Variants in AFAP1L1 observed in about 807,000 individuals in gnomAD.
The protein encoded by AFAP1L1 is actin filament-associated protein 1-like 1.
Under a neutral mutation model 99.8 loss-of-function variants are expected in AFAP1L1, and 77 were observed. The ratio of observed to expected loss-of-function variants is 0.77; its 90% CI spans 0.64 to 0.93. The LOEUF (loss-of-function observed/expected upper bound fraction) is 0.93, where lower values mean the gene tolerates loss of function less well. AFAP1L1 is among the 40% of genes least tolerant of loss of function. The pLI is 0.00. For synonymous variants in AFAP1L1, 373 were observed against 395.3 expected (o/e 0.94, Z 0.67); for missense variants, 893 against 996.8 (o/e 0.90, Z 1.40).
In AFAP1L1 at chr5:149,320,805, GTC is replaced by G. The variant is rs1487755321; in HGVS notation, c.1698+344_1698+345del. ...GAACTTATCCTGCTGATTCCGTGGTGTCTGGGGCAGGTCCTGACTCTGGGACC... is the reference window on the plus strand; with the variant it reads ...GAACTTATCCTGCTGATTCCGTGGTGTGGGGCAGGTCCTGACTCTGGGACC... On this transcript the variant is annotated intron_variant, in intron 14 of 18. Coordinates refer to ENST00000296721, the MANE Select transcript of AFAP1L1 (RefSeq NM_152406.4). This position sits in a 1 kb window ranked among gnomAD's most constrained non-coding sequence, Gnocchi z 4.0. Among the ~76,000 whole-genome samples the G allele has an allele frequency of 6.6e-6, 1 of 152,214 alleles. No individual in the cohort carries two copies. Among genetic ancestry groups the G allele is most frequent in the Non-Finnish European group, 1.5e-5 (1 of 68,042 alleles).
At chr5:149,300,871 C>G (rs979838087) in intron 3 of AFAP1L1, among the ~76,000 whole-genome samples, 1 of 152,190 alleles carries the variant, frequency 6.6e-6, no homozygotes, top group East Asian at 1.9e-4. Context: ...ATAGCATAAC[C>G]CTCAAAGATT....
At position 149,319,562 on chromosome 5, in the gene AFAP1L1, C is replaced by T; in HGVS notation, c.1480-20C>T. 1.9e-6 allele frequency: 3 copies of T among 1,579,820 alleles called. No homozygotes were observed. Among genetic ancestry groups the T allele is most frequent in the Non-Finnish European group, 2.6e-6 (3 of 1,159,944 alleles). On this transcript the variant is annotated intron_variant, in intron 12 of 18. Transcript: ENST00000296721. Reference sequence around the variant, plus strand: ...CTGACAGTAGGAAAATGAACTCCATCTTTGCCTCCTGTCCTTCAGGCAAGC... The same window carrying T: ...CTGACAGTAGGAAAATGAACTCCATTTTTGCCTCCTGTCCTTCAGGCAAGC...
intron 15 of AFAP1L1, among the ~76,000 whole-genome samples, chr5:149,323,521 T>A (rs1404290554): frequency 6.6e-6 from 1 of 152,236 alleles, no homozygotes; most frequent in Non-Finnish European, 1.5e-5. Context: ...TTACATTTCT[T>A]CCCCCTGCAT....
At chr5:149,292,750 G>A (rs1755897862) in intron 1 of AFAP1L1, among the ~76,000 whole-genome samples, 1 of 152,104 alleles carries the variant, frequency 6.6e-6, no homozygotes, top group Non-Finnish European at 1.5e-5. Flanking sequence ...GAATTTATTC[G>A]TGGTTCTAAA....
Position 149,299,610 on chromosome 5 carries a change from A to G in AFAP1L1, c.118A>G (p.Ile40Val), listed in dbSNP as rs755532054. 7 of 1,614,148 alleles carry G rather than the reference A, an allele frequency of 4.3e-6. No homozygotes were observed. The highest frequency in any genetic ancestry group is 5.9e-6 in the Non-Finnish European group (7 of 1,180,014). Residue 40 changes from isoleucine (I) to valine (V), a missense_variant, in exon 2 of 19, where the codon ATC (isoleucine) becomes GTC (valine). Coordinates refer to ENST00000296721, the MANE Select transcript of AFAP1L1 (RefSeq NM_152406.4). ...TLEKKMAVAS[I>V]LQSLQPLPAK... ...GGAAAAGAAGATGGCCGTGGCCTCCATCCTGCAGAGCCTGCAGCCCCTTCC... is the reference window on the plus strand; with the variant it reads ...GGAAAAGAAGATGGCCGTGGCCTCCGTCCTGCAGAGCCTGCAGCCCCTTCC...
intron 4 of AFAP1L1, among the ~76,000 whole-genome samples, 198 bp downstream of exon 4, chr5:149,301,428 T>G (rs1395804065): frequency 6.6e-6 from 1 of 152,138 alleles, no homozygotes; most frequent in East Asian, 1.9e-4. Flanking sequence ...GTTTTTTTTC[T>G]TATTTATTTT....
At chr5:149,312,929 C>A (rs1221796151) in intron 9 of AFAP1L1, among the ~76,000 whole-genome samples, 1 of 151,950 alleles carries the variant, frequency 6.6e-6, no homozygotes, top group Non-Finnish European at 1.5e-5. Context: ...GAGTTCGAGA[C>A]CAGCCTGACC....
chr5:149,329,717 G>T lies in AFAP1L1; in HGVS notation c.1862G>T (p.Arg621Met), dbSNP rs1258569403. The change falls in exon 16 of 19, where the codon AGG becomes ATG. Residue 621 changes from arginine (R) to methionine (M), a missense_variant. By Grantham distance (91) the Arg-to-Met change is moderately conservative (BLOSUM62 -1). Transcript: ENST00000296721. ...AACCGAGCCGAGGAGGATGCCCGGA[G>T]GTACTTGGTAGAAAAAGAGAAGCTG... ...GKNRAEEDARRYLVEKEKLEK... is the reference protein window; with the variant it reads ...GKNRAEEDARMYLVEKEKLEK... 3.7e-6 allele frequency: 6 copies of T among 1,613,988 alleles called. No homozygotes were observed. The highest frequency in any genetic ancestry group is 5.1e-6 in the Non-Finnish European group (6 of 1,180,032).
At chr5:149,280,927 A>G (rs1333689460) in intron 1 of AFAP1L1, among the ~76,000 whole-genome samples, 1 of 152,240 alleles carries the variant, frequency 6.6e-6, no homozygotes, top group Non-Finnish European at 1.5e-5. Context: ...ACATGGAAGC[A>G]GAACACCCAC....
intron 18 of AFAP1L1, among the ~76,000 whole-genome samples, chr5:149,336,868 A>G (rs1757421564): frequency 6.6e-6 from 1 of 152,162 alleles, no homozygotes; most frequent in South Asian, 2.1e-4. Context: ...AGACATTCCA[A>G]TCATAGCAGG....
chr5:149,332,731 C>T lies in AFAP1L1; in HGVS notation c.2012C>T (p.Thr671Ile). 6.2e-7 allele frequency: 1 copy of T among 1,613,900 alleles called. No individual in the cohort carries two copies. Among genetic ancestry groups the T allele is most frequent in the Non-Finnish European group, 8.5e-7 (1 of 1,179,990 alleles). The change falls in exon 17 of 19, where the codon ACC becomes ATC. Residue 671 changes from threonine to isoleucine, a missense_variant. Physicochemically the swap from Thr to Ile is moderately conservative, Grantham distance 89. Coordinates refer to ENST00000296721, the MANE Select transcript of AFAP1L1 (RefSeq NM_152406.4). ...AAGGCTCTGGAAGAAGCCGTGGCCACCCTGGAAGCTCAGTGTCGGGCAAAG... is the reference window on the plus strand; with the variant it reads ...AAGGCTCTGGAAGAAGCCGTGGCCATCCTGGAAGCTCAGTGTCGGGCAAAG... The part of the protein sequence containing the change: ...KLKALEEAVA[T>I]LEAQCRAKEE...
intron 1 of AFAP1L1, among the ~76,000 whole-genome samples, chr5:149,292,437 G>A (rs1372704636): frequency 6.6e-6 from 1 of 152,140 alleles, no homozygotes; most frequent in African/African-American, 2.4e-5. Flanking sequence ...CAGTCATGTG[G>A]GGAGGAGTGA....
chr5:149,333,868 C>G (rs1757328782), intron 17 of AFAP1L1, among the ~76,000 whole-genome samples: 1 of 152,148 alleles, frequency 6.6e-6, no homozygotes, highest in Non-Finnish European at 1.5e-5. Context: ...ACAGCTGCCT[C>G]TATTATTCTT....
intron 15 of AFAP1L1, among the ~76,000 whole-genome samples, chr5:149,325,775 C>A (rs1227386289): frequency 2.0e-5 from 3 of 152,182 alleles, no homozygotes; most frequent in Admixed American, 2.0e-4. Context: ...GTGTTGACAT[C>A]TAGCAAGGGC....
At chr5:149,291,298 G>C (rs1755845058) in intron 1 of AFAP1L1, among the ~76,000 whole-genome samples, 1 of 151,730 alleles carries the variant, frequency 6.6e-6, no homozygotes, top group African/African-American at 2.4e-5. Context: ...GGAGGCTGAG[G>C]TGGGCAGATC....
At chr5:149,337,629 A>C (rs908588940) in intron 18 of AFAP1L1, among the ~76,000 whole-genome samples, 3 of 152,236 alleles carry the variant, frequency 2.0e-5, no homozygotes, top group Non-Finnish European at 4.4e-5. Context: ...AGTGGTAGAT[A>C]AACCAGTGAA....
At chr5:149,274,541 A>G (rs954474762) in intron 1 of AFAP1L1, among the ~76,000 whole-genome samples, 4 of 152,210 alleles carry the variant, frequency 2.6e-5, no homozygotes, top group Admixed American at 6.5e-5. Context: ...TTTATGAATC[A>G]GAATGAAAAA....
At chr5:149,312,984 A>G (rs112651316) in intron 9 of AFAP1L1, among the ~76,000 whole-genome samples, 12,310 of 151,878 alleles carry the variant, frequency 0.081, 540 homozygotes, top group Middle Eastern at 0.17. Context: ...AAAATTAGCC[A>G]GGCATGGTGG....
At chr5:149,335,561 C>G (rs1437540146) in intron 17 of AFAP1L1, 33 bp from the exon 18 acceptor site, 2 of 1,608,596 alleles carry the variant, frequency 1.2e-6, no homozygotes, top group African/African-American at 2.7e-5. Flanking sequence ...ATCACCAGAT[C>G]TCACCTATAT....
Sources: allele counts gnomAD v4.1 joint callset (sites outside exome capture counted in the v4.1 genomes callset), GRCh38; gene constraint gnomAD v4.1.1; non-coding constraint Gnocchi (gnomAD v3.1); transcripts MANE v1.5; gene names NCBI Gene and HGNC (gene_info 2026-07-23, HGNC 2026-07-21).